Variants in GRID2 observed in about 807,000 individuals in gnomAD.
The protein encoded by GRID2 is glutamate ionotropic receptor delta type subunit 2.
In GRID2, 33 loss-of-function variants were observed where a neutral mutation model predicts 114.8. That is an observed-to-expected ratio of 0.29 (90% CI 0.22 to 0.38). The LOEUF (loss-of-function observed/expected upper bound fraction) is 0.38. Among genes scored for constraint, GRID2 ranks in the 10% least tolerant of loss-of-function variants. The pLI is 1.00. For synonymous variants in GRID2, 505 were observed against 449.9 expected, an observed-to-expected ratio of 1.12 and a Z score of -1.55; for missense variants, 1,184 against 1,257.7, an observed-to-expected ratio of 0.94 and a Z score of 0.89.
At chr4:93,415,383 A>G (rs1165908604) in intron 9 of GRID2, among the ~76,000 whole-genome samples, 1 of 152,116 alleles carries the variant, frequency 6.6e-6, no homozygotes, top group East Asian at 1.9e-4. Context: ...CAAATTTACT[A>G]ATATAATGAA....
chr4:93,058,991 A>G (rs1220849820), intron 2 of GRID2, among the ~76,000 whole-genome samples: 1 of 152,078 alleles, frequency 6.6e-6, no homozygotes, highest in East Asian at 1.9e-4. Context: ...AACCATTTGC[A>G]TTGCACTTGA....
chr4:93,738,844 AAGG>A (rs1731142301), intron 14 of GRID2, among the ~76,000 whole-genome samples: 2 of 152,242 alleles, frequency 1.3e-5, no homozygotes, highest in South Asian at 4.1e-4. Context: ...GAGAGTAGAA[AAGG>A]AGAAGAGAAT....
intron 2 of GRID2, among the ~76,000 whole-genome samples, chr4:92,788,628 C>A (rs1739431086): frequency 6.6e-6 from 1 of 151,804 alleles, no homozygotes; most frequent in Admixed American, 6.6e-5. Flanking sequence ...AAATTCTAAT[C>A]TTGGGTGTAA....
rs56357327 is a variant in GRID2, at chr4:93,076,610, CTTTTT to C, written c.245-8365_245-8361del. Among the ~76,000 whole-genome samples the C allele has an allele frequency of 2.5e-3, 242 of 96,990 alleles. 1 individual carries two copies. Among genetic ancestry groups the C allele is most frequent in the African/African-American group, 9.8e-3 (226 of 23,092 alleles). 63.6% of individuals were successfully genotyped at this position (96,990 alleles called of 152,430 possible). A position where few individuals can be genotyped will look rare whatever the true frequency, so the allele number is the denominator to read the frequency against. The stretch of plus-strand genomic sequence containing the variant: ...GACCTTCTTCAAAATTCACCAACCT[CTTTTT>C]TTTTTTTTTTTTTTTTTTTAATGAC... On this transcript the variant is annotated intron_variant, in intron 2 of 15. Coordinates refer to ENST00000282020, the MANE Select transcript of GRID2 (RefSeq NM_001510.4).
At chr4:92,551,360 A>G (rs1258657119) in intron 1 of GRID2, among the ~76,000 whole-genome samples, 1 of 152,040 alleles carries the variant, frequency 6.6e-6, no homozygotes, top group Non-Finnish European at 1.5e-5. Context: ...TAGTGTGAGA[A>G]GTATTATGTG....
At chr4:93,736,308 C>T (rs562651394) in intron 14 of GRID2, among the ~76,000 whole-genome samples, 34 of 151,982 alleles carry the variant, frequency 2.2e-4, no homozygotes, top group South Asian at 8.3e-4. Flanking sequence ...AGGCACTCCT[C>T]TAAGCATCCT....
intron 1 of GRID2, among the ~76,000 whole-genome samples, chr4:92,385,884 G>A (rs995341836): frequency 1.4e-5 from 1 of 73,752 alleles, no homozygotes; most frequent in Non-Finnish European, 2.8e-5. Context: ...ACGTGTGTGT[G>A]TGTGTGTGTG....
At position 93,219,945 on chromosome 4, in the gene GRID2, A is replaced by T. The variant is rs79054766; in HGVS notation, c.963+3034A>T. Among the ~76,000 whole-genome samples, 1,416 of 152,234 alleles carry T rather than the reference A, an allele frequency of 9.3e-3. 12 individuals are homozygous for T. The highest frequency in any genetic ancestry group is 0.015 in the Non-Finnish European group (1,044 of 68,008). Reference sequence around the variant, plus strand: ...TAGCAAGAGTAGGGGCACTGCTTTGAATTAGGCTTGCCAAATAATTGCTCA... The same window carrying T: ...TAGCAAGAGTAGGGGCACTGCTTTGTATTAGGCTTGCCAAATAATTGCTCA... On this transcript the variant is annotated intron_variant, in intron 6 of 15. Transcript: ENST00000282020.
intron 8 of GRID2, among the ~76,000 whole-genome samples, chr4:93,257,143 A>G (rs1040830347): frequency 6.6e-6 from 1 of 151,868 alleles, no homozygotes; most frequent in Non-Finnish European, 1.5e-5. Flanking sequence ...GAAACACAGA[A>G]AATGACATAT....
At chr4:93,393,966 T>C (rs1765093326) in intron 8 of GRID2, among the ~76,000 whole-genome samples, 1 of 151,968 alleles carries the variant, frequency 6.6e-6, no homozygotes. Context: ...TTAAGTTATA[T>C]GGTTGTAATA....
At chr4:92,868,074 G>T (rs200373637) in intron 2 of GRID2, among the ~76,000 whole-genome samples, 12,648 of 117,524 alleles carry the variant, frequency 0.11, 699 homozygotes, top group Admixed American at 0.2. Flanking sequence ...CTTTCTGTCT[G>T]TCTGTCTGTC....
At chr4:93,627,875 G>A (rs773229950) in intron 14 of GRID2, among the ~76,000 whole-genome samples, 19 of 152,188 alleles carry the variant, frequency 1.2e-4, no homozygotes, top group Non-Finnish European at 2.2e-4. Context: ...GAAGGAAGGA[G>A]TAAAGGATTA....
chr4:93,517,951 GTATATGTATGTATA>G (rs1560706064), intron 13 of GRID2, among the ~76,000 whole-genome samples: 2,058 of 32,684 alleles, frequency 0.063, 93 homozygotes, highest in African/African-American at 0.21. Context: ...ATACATACAT[GTATATGTATGTATA>G]TACATACATG....
chr4:92,943,890 A>G (rs1751382981), intron 2 of GRID2, among the ~76,000 whole-genome samples: 1 of 152,328 alleles, frequency 6.6e-6, no homozygotes, highest in Middle Eastern at 3.4e-3. Flanking sequence ...GCTGCAGAGC[A>G]GAACAGCGGC....
intron 9 of GRID2, among the ~76,000 whole-genome samples, chr4:93,403,639 T>C (rs781347913): frequency 6.6e-6 from 1 of 152,112 alleles, no homozygotes; most frequent in Non-Finnish European, 1.5e-5. Flanking sequence ...TCAGCATAGT[T>C]TTCCATCAAG....
At chr4:93,502,588 C>T (rs560361025) in intron 12 of GRID2, among the ~76,000 whole-genome samples, 3 of 151,836 alleles carry the variant, frequency 2.0e-5, no homozygotes, top group African/African-American at 7.2e-5. Context: ...GGTATGCTGC[C>T]CTCCACACTC....
intron 2 of GRID2, among the ~76,000 whole-genome samples, chr4:92,671,104 A>G (rs1213422793): frequency 6.6e-6 from 1 of 152,156 alleles, no homozygotes; most frequent in East Asian, 1.9e-4. Context: ...AGTTCCACAG[A>G]CTGTACAGGA....
intron 2 of GRID2, among the ~76,000 whole-genome samples, chr4:92,950,188 A>G (rs1316798940): frequency 6.6e-6 from 1 of 152,122 alleles, no homozygotes; most frequent in Non-Finnish European, 1.5e-5. Context: ...TTTTCTAAAA[A>G]AGCAAAAAGT....
At chr4:92,782,712 A>C (rs896956535) in intron 2 of GRID2, among the ~76,000 whole-genome samples, 12 of 152,098 alleles carry the variant, frequency 7.9e-5, no homozygotes, top group African/African-American at 2.9e-4. Flanking sequence ...TAGAGAGAAG[A>C]GTGTGCGTAA....
Sources: allele counts gnomAD v4.1 joint callset (sites outside exome capture counted in the v4.1 genomes callset), GRCh38; gene constraint gnomAD v4.1.1; transcripts MANE v1.5; gene names NCBI Gene and HGNC (gene_info 2026-07-23, HGNC 2026-07-21).